Variants in CNTN4 observed in about 807,000 individuals in gnomAD.
CNTN4 encodes contactin-4.
In CNTN4, 77 loss-of-function variants were observed where a neutral mutation model predicts 122.5. The observed-to-expected ratio is 0.63, with a 90% CI of 0.52 to 0.76. The LOEUF (loss-of-function observed/expected upper bound fraction) is 0.76, where lower values mean the gene tolerates loss of function less well. CNTN4 is among the 30% of genes least tolerant of loss of function. The pLI is 0.00. For missense variants in CNTN4, 1,256 were observed against 1,259.1 expected (o/e 1.00, Z 0.04); for synonymous variants, 512 against 447.0 (o/e 1.15, Z -1.83).
chr3:2,726,082 CT>C (rs1184079121), intron 4 of CNTN4, among the ~76,000 whole-genome samples: 1 of 152,182 alleles, frequency 6.6e-6, no homozygotes, highest in Non-Finnish European at 1.5e-5. Context: ...AGAACTCAGT[CT>C]GTCCCTATCC....
intron 5 of CNTN4, among the ~76,000 whole-genome samples, chr3:2,737,657 A>G (rs2089216248): frequency 6.6e-6 from 1 of 152,246 alleles, no homozygotes. Flanking sequence ...CTGAACAATA[A>G]AGACAGTTTT....
intron 2 of CNTN4, among the ~76,000 whole-genome samples, chr3:2,296,068 C>G (rs1193554191): frequency 2.0e-5 from 3 of 152,200 alleles, no homozygotes; most frequent in African/African-American, 7.2e-5. Context: ...CCATGCTGTT[C>G]TGGTTACTGT....
At chr3:3,032,916 G>A (rs986571571) in intron 16 of CNTN4, among the ~76,000 whole-genome samples, 1 of 152,066 alleles carries the variant, frequency 6.6e-6, no homozygotes, top group Non-Finnish European at 1.5e-5. Flanking sequence ...GCTATGCATC[G>A]GTAGGAGAGG....
chr3:2,784,428 C>T (rs183083727), intron 6 of CNTN4, among the ~76,000 whole-genome samples: 32 of 152,276 alleles, frequency 2.1e-4, no homozygotes, highest in African/African-American at 7.5e-4. Flanking sequence ...ATAATTAGAC[C>T]CTTTTTTCAG....
chr3:2,630,499 T>C (rs958822059), intron 4 of CNTN4, among the ~76,000 whole-genome samples: 2 of 152,272 alleles, frequency 1.3e-5, no homozygotes, highest in Non-Finnish European at 2.9e-5. Flanking sequence ...CTAAAACATA[T>C]ACTTAAGGAA....
At chr3:2,518,382 T>C (rs1413067509) in intron 3 of CNTN4, among the ~76,000 whole-genome samples, 2 of 152,190 alleles carry the variant, frequency 1.3e-5, no homozygotes, top group African/African-American at 2.4e-5. Flanking sequence ...AGAATGTTCA[T>C]GTAAAGTGAT....
intron 2 of CNTN4, among the ~76,000 whole-genome samples, chr3:2,302,846 C>T (rs1007654746): frequency 2.7e-5 from 4 of 146,856 alleles, no homozygotes; most frequent in African/African-American, 1.0e-4. Flanking sequence ...CCTAGCAATG[C>T]CAAGCACACT....
At chr3:2,445,289 C>A (rs890642479) in intron 3 of CNTN4, among the ~76,000 whole-genome samples, 3 of 152,136 alleles carry the variant, frequency 2.0e-5, no homozygotes, top group Non-Finnish European at 4.4e-5. Flanking sequence ...AGCCTTCCTG[C>A]TGGTTAGAGG....
At chr3:2,920,226 G>A (rs926386227) in intron 12 of CNTN4, among the ~76,000 whole-genome samples, 14 of 151,150 alleles carry the variant, frequency 9.3e-5, no homozygotes, top group African/African-American at 3.4e-4. Context: ...ACACACATAT[G>A]TATCTAAAAC....
chr3:2,334,324 A>AT (rs1208636761), intron 2 of CNTN4, among the ~76,000 whole-genome samples: 3 of 151,972 alleles, frequency 2.0e-5, no homozygotes, highest in Non-Finnish European at 4.4e-5. Flanking sequence ...CATCTAGCTA[A>AT]TTTTTTGTAT....
At chr3:3,039,628 A>C in intron 19 of CNTN4, 1 of 246,690 alleles carries the variant, frequency 4.1e-6, no homozygotes. Flanking sequence ...GAGAGGGAGG[A>C]TCTTCAGCCA....
intron 4 of CNTN4, among the ~76,000 whole-genome samples, chr3:2,726,423 C>T (rs2088227084): frequency 6.6e-6 from 1 of 152,176 alleles, no homozygotes; most frequent in African/African-American, 2.4e-5. Flanking sequence ...TCTATCCAAA[C>T]CACTTGAGTT....
chr3:2,546,817 T>A (rs1359597338), intron 3 of CNTN4, among the ~76,000 whole-genome samples: 3 of 152,004 alleles, frequency 2.0e-5, no homozygotes, highest in Non-Finnish European at 2.9e-5. Flanking sequence ...TTAAGATAAA[T>A]GGAAGAAAAT....
chr3:2,840,497 G>C (rs1012429391), intron 7 of CNTN4, among the ~76,000 whole-genome samples: 2 of 139,852 alleles, frequency 1.4e-5, no homozygotes, highest in Non-Finnish European at 3.1e-5. Flanking sequence ...TCAGGAGATC[G>C]AGACCATCCT....
rs547811561 is a variant in CNTN4, at chr3:2,106,637, T to C, written c.-145+5998T>C. 5.3e-5 allele frequency among the ~76,000 whole-genome samples: 8 copies of C among 152,200 alleles called. No homozygotes were observed. In the South Asian group the frequency reaches 1.5e-3, roughly 28 times the overall value. On this transcript the variant is annotated intron_variant, in intron 2 of 24. Coordinates refer to ENST00000418658, the MANE Select transcript of CNTN4 (RefSeq NM_175607.3). ...GCCCAGTGCCTTGTCCAAGAAACCG[T>C]TTTTCCCTCCTAGACCTCTGGGCCT...
chr3:2,584,654 G>C (rs1343635223), intron 4 of CNTN4, among the ~76,000 whole-genome samples: 8 of 140,690 alleles, frequency 5.7e-5, no homozygotes, highest in African/African-American at 2.2e-4. Flanking sequence ...CTGAGATCGT[G>C]CCACTGTACT....
At chr3:3,013,036 C>T (rs996969188) in intron 14 of CNTN4, among the ~76,000 whole-genome samples, 10 of 152,070 alleles carry the variant, frequency 6.6e-5, no homozygotes, top group African/African-American at 4.8e-5. Context: ...TTCTTACTCT[C>T]GAAATAAGTG....
chr3:2,673,714 T>C (rs2084672138), intron 4 of CNTN4, among the ~76,000 whole-genome samples: 1 of 152,006 alleles, frequency 6.6e-6, no homozygotes, highest in Admixed American at 6.6e-5. Flanking sequence ...CTAATTTTTT[T>C]TGCATTTTTA....
intron 4 of CNTN4, among the ~76,000 whole-genome samples, chr3:2,628,639 AG>A (rs2150011573): frequency 6.6e-6 from 1 of 152,246 alleles, no homozygotes; most frequent in South Asian, 2.1e-4. Context: ...ATGAGAACAA[AG>A]CTCTCTATTC....
Sources: allele counts gnomAD v4.1 joint callset (sites outside exome capture counted in the v4.1 genomes callset), GRCh38; gene constraint gnomAD v4.1.1; transcripts MANE v1.5; gene names NCBI Gene and HGNC (gene_info 2026-07-23, HGNC 2026-07-21).